The following CDCP1 variants were observed in gnomAD, a reference collection of about 807,000 sequenced individuals.
The protein encoded by CDCP1 is CUB domain-containing protein 1.
Under a neutral mutation model 60.2 loss-of-function variants are expected in CDCP1, and 29 were observed. The ratio of observed to expected loss-of-function variants is 0.48; its 90% CI spans 0.36 to 0.66. CDCP1 has a LOEUF of 0.66. Among genes scored for constraint, CDCP1 ranks in the 30% least tolerant of loss-of-function variants. The pLI is 0.00. For synonymous variants in CDCP1, 387 were observed against 431.1 expected, an observed-to-expected ratio of 0.90 and a Z score of 1.27; for missense variants, 876 against 1,074.3, an observed-to-expected ratio of 0.82 and a Z score of 2.58.
In CDCP1 at chr3:45,146,369, G is replaced by T; in HGVS notation, c.-82C>A. The stretch of plus-strand genomic sequence containing the variant: ...AGGCGCCCAAGCCCGGCGCAGCTGC[G>T]CTCCGCCCTGGCTCACTCACCTGCG... On this transcript the variant is annotated 5_prime_UTR_variant, in exon 1 of 9. Transcript: ENST00000296129. 7.9e-7 allele frequency: 1 copy of T among 1,264,468 alleles called. No homozygotes were observed. Among genetic ancestry groups the T allele is most frequent in the Non-Finnish European group, 1.1e-6 (1 of 936,518 alleles). 78.3% of individuals were successfully genotyped at this position (1,264,468 alleles called of 1,614,324 possible).
At chr3:45,099,105 TG>T (rs1698449351) in intron 4 of CDCP1, among the ~76,000 whole-genome samples, 1 of 151,816 alleles carries the variant, frequency 6.6e-6, no homozygotes, top group South Asian at 2.1e-4. Context: ...CTGGGCTTCC[TG>T]GATCCATCTT....
At chr3:45,090,889 T>C (rs61596873) in intron 7 of CDCP1, among the ~76,000 whole-genome samples, 1,561 of 152,254 alleles carry the variant, frequency 0.01, 21 homozygotes, top group African/African-American at 0.036. Context: ...CAAAGTCCTC[T>C]AGCCAACCTG....
chr3:45,105,250 A>C (rs1698542945), intron 4 of CDCP1, among the ~76,000 whole-genome samples: 1 of 152,170 alleles, frequency 6.6e-6, no homozygotes, highest in African/African-American at 2.4e-5. Context: ...TTTTTTTTGG[A>C]AATGGACTCA....
Position 45,110,911 on chromosome 3 carries a change from G to A in CDCP1, c.656-70C>T, listed in dbSNP as rs931277366. On this transcript the variant is annotated intron_variant, in intron 3 of 8. Coordinates refer to ENST00000296129, the MANE Select transcript of CDCP1 (RefSeq NM_022842.5). ...GACCCTGTCCTGGTTGTCTGCAGCCGAGGGGTGGGGGTGTAGGAAAAATGA... is the reference window on the plus strand; with the variant it reads ...GACCCTGTCCTGGTTGTCTGCAGCCAAGGGGTGGGGGTGTAGGAAAAATGA... 2.0e-5 allele frequency: 31 copies of A among 1,522,164 alleles called. 1 individual carries two copies. The highest frequency in any genetic ancestry group is 7.7e-5 in the Admixed American group (4 of 51,808). The allele number at this position is 1,522,164 out of a possible 1,614,324, so 94.3% of individuals were successfully genotyped here.
intron 1 of CDCP1, among the ~76,000 whole-genome samples, chr3:45,131,507 T>C (rs1036436146): frequency 6.6e-6 from 1 of 152,212 alleles, no homozygotes; most frequent in Non-Finnish European, 1.5e-5. Context: ...CTCTATGAAT[T>C]TGACTACTAA....
intron 1 of CDCP1, among the ~76,000 whole-genome samples, chr3:45,138,139 G>T (rs1463983913): frequency 6.6e-6 from 1 of 152,206 alleles, no homozygotes; most frequent in Non-Finnish European, 1.5e-5. Context: ...TATAAAACTG[G>T]TCCAGTCAGT....
In CDCP1 at chr3:45,146,262, G is replaced by C. The variant is rs1699388349; in HGVS notation, c.26C>G (p.Ser9Cys). 7 of 1,591,722 alleles carry C rather than the reference G, an allele frequency of 4.4e-6. No homozygotes were observed. The South Asian group carries it at 6.8e-5, about 15-fold the overall frequency. MAGLNCGV[S>C]IALLGVLLLG... ...CAGCAGAACCCCTAGCAGTGCGATA[G>C]AGACCCCGCAGTTCAGGCCGGCCAT... Residue 9 changes from serine to cysteine, a missense_variant, in exon 1 of 9, where the codon TCT becomes TGT. Ser to Cys is a moderately radical substitution (Grantham distance 112). This residue lies in a region of CDCP1 where 150 missense variants were observed against 138.6 expected (regional missense o/e 1.08). Transcript: ENST00000296129.
At position 45,109,137 on chromosome 3, in the gene CDCP1, C is replaced by A. The variant is rs191873164; in HGVS notation, c.1024+1336G>T. Among the ~76,000 whole-genome samples, 394 of 150,906 alleles carry A rather than the reference C, an allele frequency of 2.6e-3. 4 individuals carry two copies. The highest frequency in any genetic ancestry group is 3.6e-3 in the Non-Finnish European group (246 of 67,732). On this transcript the variant is annotated intron_variant, in intron 4 of 8. Transcript: ENST00000296129. ...GCTAATTTTTGACTTTTTTGTAGGACGGGGTTTTGCCACGTAGGCCAGGCT... is the reference window on the plus strand; with the variant it reads ...GCTAATTTTTGACTTTTTTGTAGGAAGGGGTTTTGCCACGTAGGCCAGGCT...
intron 4 of CDCP1, among the ~76,000 whole-genome samples, chr3:45,109,695 C>T (rs973923147): frequency 1.8e-4 from 27 of 151,958 alleles, no homozygotes; most frequent in East Asian, 5.9e-4. Context: ...AGGAGGTGCT[C>T]ACTCTCAGGG....
intron 4 of CDCP1, among the ~76,000 whole-genome samples, chr3:45,107,352 G>A (rs1698583590): frequency 6.6e-6 from 1 of 151,994 alleles, no homozygotes; most frequent in Non-Finnish European, 1.5e-5. Flanking sequence ...GACTACAGGT[G>A]CCTGCCACCA....
intron 4 of CDCP1, among the ~76,000 whole-genome samples, chr3:45,105,709 G>C (rs529196684): frequency 6.6e-6 from 1 of 152,118 alleles, no homozygotes; most frequent in Non-Finnish European, 1.5e-5. Flanking sequence ...AATATAGATG[G>C]GTAGAATACT....
intron 1 of CDCP1, among the ~76,000 whole-genome samples, chr3:45,130,900 TTTG>T (rs1180597825): frequency 1.3e-5 from 2 of 152,198 alleles, no homozygotes; most frequent in Non-Finnish European, 2.9e-5. Flanking sequence ...AGGGTCTCGT[TTTG>T]TTGCTCAGGC....
At chr3:45,096,307 A>G (rs904722653) in intron 4 of CDCP1, among the ~76,000 whole-genome samples, 1 of 152,158 alleles carries the variant, frequency 6.6e-6, no homozygotes, top group East Asian at 1.9e-4. Flanking sequence ...ACATTCACCA[A>G]TGGAATATTA....
chr3:45,135,053 C>A (rs747737665), intron 1 of CDCP1, among the ~76,000 whole-genome samples: 1 of 152,078 alleles, frequency 6.6e-6, no homozygotes, highest in Non-Finnish European at 1.5e-5. Context: ...ACGAGGACAG[C>A]CATTATAAAA....
At chr3:45,118,898 G>A (rs1030903005) in intron 1 of CDCP1, among the ~76,000 whole-genome samples, 3 of 152,192 alleles carry the variant, frequency 2.0e-5, no homozygotes, top group Non-Finnish European at 4.4e-5. Context: ...GATGTCTTGA[G>A]CAGTATGCTG....
intron 1 of CDCP1, among the ~76,000 whole-genome samples, chr3:45,131,620 C>T (rs933775105): frequency 1.1e-4 from 17 of 152,248 alleles, no homozygotes; most frequent in Non-Finnish European, 2.1e-4. Context: ...GGATGCCAAC[C>T]AAACATTGAC....
At chr3:45,105,165 T>C (rs1205375760) in intron 4 of CDCP1, among the ~76,000 whole-genome samples, 2 of 152,176 alleles carry the variant, frequency 1.3e-5, no homozygotes, top group African/African-American at 4.8e-5. Context: ...ACTGGGGACC[T>C]TTGAAGGGAT....
At chr3:45,128,924 C>T (rs1460284112) in intron 1 of CDCP1, among the ~76,000 whole-genome samples, 1 of 152,180 alleles carries the variant, frequency 6.6e-6, no homozygotes, top group Non-Finnish European at 1.5e-5. Context: ...ACCATATTGG[C>T]CAGACTGGTC....
chr3:45,144,758 C>T (rs1699351131), intron 1 of CDCP1, among the ~76,000 whole-genome samples: 1 of 152,200 alleles, frequency 6.6e-6, no homozygotes, highest in African/African-American at 2.4e-5. Flanking sequence ...TTTCTCAGCA[C>T]ACATATACAC....
Sources: gnomAD v4.1 joint callset for allele counts (sites outside exome capture counted in the v4.1 genomes callset) on GRCh38, gnomAD v4.1.1 for gene constraint, gnomAD v4.1.1 regional missense constraint, MANE v1.5 for transcripts, NCBI Gene and HGNC (gene_info 2026-07-23, HGNC 2026-07-21) for gene names.